Variants in TDRD12 observed in about 807,000 individuals in gnomAD.
The protein encoded by TDRD12 is putative ATP-dependent RNA helicase TDRD12.
TDRD12 carries 158 observed loss-of-function variants against 133.5 expected under a neutral mutation model. The observed-to-expected ratio is 1.18, with a 90% CI of 1.04 to 1.35. The LOEUF is 1.35. Among genes scored for constraint, TDRD12 ranks in the 40% most tolerant of loss-of-function variants. The probability of loss-of-function intolerance (pLI) is 0.00; values close to 1 mark genes in which losing one functional copy is unlikely to be tolerated. For synonymous variants in TDRD12, 460 were observed against 477.9 expected, an observed-to-expected ratio of 0.96 and a Z score of 0.49; for missense variants, 1,443 against 1,321.3, an observed-to-expected ratio of 1.09 and a Z score of -1.43.
In TDRD12 at chr19:32,794,818, G is replaced by A; in HGVS notation, c.1473+5G>A. 2 of 701,856 alleles carry A rather than the reference G, an allele frequency of 2.8e-6. No individual in the cohort carries two copies. The highest frequency in any genetic ancestry group is 5.2e-6 in the Non-Finnish European group (2 of 384,128). 43.5% of individuals were successfully genotyped at this position (701,856 alleles called of 1,614,324 possible). ...TCATTACCAAGTAGAAATGGAGTAA[G>A]TCAAAGACAGTTTTGCCTCACAACC... On this transcript the variant is annotated splice_donor_5th_base_variant and intron_variant, in intron 14 of 27. Transcript: ENST00000444215.
intron 3 of TDRD12, among the ~76,000 whole-genome samples, chr19:32,740,472 C>T (rs1969388122): frequency 1.3e-5 from 2 of 151,350 alleles, no homozygotes; most frequent in Non-Finnish European, 2.9e-5. Flanking sequence ...TCTGCATCTC[C>T]TGGGTGCTCT....
At chr19:32,780,699 A>C (rs1970737687) in intron 11 of TDRD12, among the ~76,000 whole-genome samples, 1 of 151,860 alleles carries the variant, frequency 6.6e-6, no homozygotes, top group Admixed American at 6.6e-5. Context: ...AGTGCTGCGG[A>C]GCTCTGCAGT....
chr19:32,740,128 A>T (rs1969372156), intron 3 of TDRD12, among the ~76,000 whole-genome samples: 1 of 120,290 alleles, frequency 8.3e-6, no homozygotes, highest in Admixed American at 8.8e-5. Flanking sequence ...TACTCTCTGC[A>T]TCTCCTGGGT....
intron 8 of TDRD12, among the ~76,000 whole-genome samples, chr19:32,759,054 C>T (rs1421376972): frequency 6.6e-6 from 1 of 152,036 alleles, no homozygotes; most frequent in East Asian, 1.9e-4. Flanking sequence ...CCAGCCTGGC[C>T]AACATGGTGA....
At chr19:32,819,285 C>G (rs1256541318) in intron 27 of TDRD12, among the ~76,000 whole-genome samples, 1 of 149,072 alleles carries the variant, frequency 6.7e-6, no homozygotes, top group Non-Finnish European at 1.5e-5. Flanking sequence ...CCACTGCACT[C>G]CAGCCTGGGT....
chr19:32,797,912 G>A (rs199601243), intron 15 of TDRD12, 21 bp downstream of exon 15: 1 of 673,846 alleles, frequency 1.5e-6, no homozygotes, highest in Non-Finnish European at 2.7e-6. Flanking sequence ...TTTTCAAGCG[G>A]CTATAAAAGT....
At chr19:32,822,839 G>A (rs1967451175), downstream of TDRD12, among the ~76,000 whole-genome samples, 1 of 152,078 alleles carries the variant, frequency 6.6e-6, no homozygotes, top group Admixed American at 6.5e-5. Context: ...GAGACCATTT[G>A]CCGTCACTGG....
intron 15 of TDRD12, among the ~76,000 whole-genome samples, 154 bp from the exon 16 acceptor site, chr19:32,798,154 T>C (rs927839668): frequency 1.3e-5 from 2 of 152,246 alleles, no homozygotes; most frequent in African/African-American, 4.8e-5. Context: ...CTTAAACTGT[T>C]TGTTAGATGC....
At chr19:32,760,522 T>C (rs1190145954) in intron 8 of TDRD12, among the ~76,000 whole-genome samples, 1 of 152,204 alleles carries the variant, frequency 6.6e-6, no homozygotes, top group Non-Finnish European at 1.5e-5. Flanking sequence ...TGAAAAATAA[T>C]TTTTTTATTT....
At chr19:32,824,927 C>T (rs1460181202), downstream of TDRD12, among the ~76,000 whole-genome samples, 3 of 152,160 alleles carry the variant, frequency 2.0e-5, no homozygotes, top group Non-Finnish European at 2.9e-5. Context: ...TTGACGGCTC[C>T]GAGGAGGAAC....
Position 32,757,106 on chromosome 19 carries a change from C to T in TDRD12, c.841C>T (p.Leu281Phe), listed in dbSNP as rs1189195683. ...ATGGTGCAAGGGTATTGTCGGTGAC[C>T]TCAGGCCAACAGCCACAGCACAGGG... Residue 281 changes from leucine to phenylalanine, a missense_variant, in exon 8 of 28, where the codon CTC becomes TTC. Physicochemically the swap from Leu to Phe is conservative, Grantham distance 22. Coordinates refer to ENST00000444215, the Ensembl canonical transcript of TDRD12. The T allele has an allele frequency of 1.9e-6, 3 of 1,551,724 alleles. No homozygotes were observed. In the Admixed American group the frequency reaches 5.9e-5, roughly 30 times the overall value.
chr19:32,816,407 T>TA (rs746144969), intron 26 of TDRD12, among the ~76,000 whole-genome samples: 46 of 152,278 alleles, frequency 3.0e-4, no homozygotes, highest in Non-Finnish European at 5.6e-4. Context: ...TGAAAGGAAT[T>TA]AGACAGTATG....
intron 11 of TDRD12, among the ~76,000 whole-genome samples, chr19:32,785,602 C>G (rs1376642562): frequency 6.6e-6 from 1 of 152,084 alleles, no homozygotes; most frequent in African/African-American, 2.4e-5. Flanking sequence ...GTCTAGATCT[C>G]TTTGTAGGTC....
chr19:32,746,302 CAG>C (rs1165976484), intron 4 of TDRD12, among the ~76,000 whole-genome samples: 33 of 59,612 alleles, frequency 5.5e-4, no homozygotes, highest in East Asian at 1.5e-3. Flanking sequence ...CTGTGTGTGA[CAG>C]AGGGGGAGAG....
exon 8 of TDRD12, chr19:32,826,288 T>C: frequency 1.4e-6 from 2 of 1,447,294 alleles, no homozygotes; most frequent in Non-Finnish European, 1.8e-6. Flanking sequence ...GATGTCGTCA[T>C]CTTAAAGATA....
At chr19:32,827,095 A>G (rs1414731071) in intron 9 of TDRD12, 69 bp from the exon 33 acceptor site, 9 of 903,456 alleles carry the variant, frequency 1.0e-5, no homozygotes, top group Non-Finnish European at 1.3e-5. Context: ...CATTGACCCA[A>G]ATAATGGGGG....
chr19:32,759,955 G>A (rs1179976900), intron 8 of TDRD12, among the ~76,000 whole-genome samples: 2 of 152,222 alleles, frequency 1.3e-5, no homozygotes, highest in Non-Finnish European at 2.9e-5. Context: ...AGCGCATGTG[G>A]CCCCTGCCCC....
chr19:32,746,045 T>TGA (rs1382923942), intron 4 of TDRD12, among the ~76,000 whole-genome samples: 1 of 143,388 alleles, frequency 7.0e-6, no homozygotes, highest in African/African-American at 2.6e-5. Context: ...ATTCTGTGTG[T>TGA]GTGAGAGAGA....
chr19:32,782,386 T>A (rs1970795857), intron 11 of TDRD12, among the ~76,000 whole-genome samples: 1 of 152,192 alleles, frequency 6.6e-6, no homozygotes, highest in African/African-American at 2.4e-5. Flanking sequence ...TTTGGGTTGG[T>A]TCCAAGTCTT....
Sources: allele counts gnomAD v4.1 joint callset (sites outside exome capture counted in the v4.1 genomes callset), GRCh38; gene constraint gnomAD v4.1.1; transcripts MANE v1.5; gene names NCBI Gene and HGNC (gene_info 2026-07-23, HGNC 2026-07-21).